Variants in SPTY2D1 observed in about 807,000 individuals in gnomAD.
SPTY2D1 encodes protein SPT2 homolog.
A neutral mutation model predicts 64.0 loss-of-function variants in SPTY2D1; 21 were observed. That is an observed-to-expected ratio of 0.33 (90% CI 0.23 to 0.47). The LOEUF (loss-of-function observed/expected upper bound fraction) is 0.47, where lower values mean the gene tolerates loss of function less well. SPTY2D1 is among the 20% of genes least tolerant of loss of function. SPTY2D1 has a pLI of 1.00. For missense variants in SPTY2D1, 724 were observed against 837.2 expected (o/e 0.86, Z 1.67); for synonymous variants, 287 against 286.8 (o/e 1.00, Z -0.01).
chr11:18,614,190 G>A (rs1207898883), intron 3 of SPTY2D1, among the ~76,000 whole-genome samples: 1 of 152,180 alleles, frequency 6.6e-6, no homozygotes, highest in Admixed American at 6.5e-5. Flanking sequence ...TTGGGAAGCT[G>A]AGGAAGGCGG....
chr11:18,614,727 C>T lies in SPTY2D1; in HGVS notation c.1547G>A (p.Ser516Asn), dbSNP rs1854261360. ...AACTGTTTGCCCAGGTCCCAAGCTG[C>T]TCACTGGTCTTCCTGGGACTGAATT... ...VSNSVPGRPVSSLGPGQTVSS... is the reference protein window; with the variant it reads ...VSNSVPGRPVNSLGPGQTVSS... The change falls in exon 3 of 6, where the codon AGC becomes AAC. Residue 516 changes from serine to asparagine, a missense_variant. Ser to Asn is a conservative substitution (Grantham distance 46). This residue lies in a region of SPTY2D1 where 426 missense variants were observed against 431.8 expected (regional missense o/e 0.99). Transcript: ENST00000336349. 6.2e-7 allele frequency: 1 copy of T among 1,614,048 alleles called. No individual in the cohort carries two copies. The highest frequency in any genetic ancestry group is 1.3e-5 in the African/African-American group (1 of 74,956).
In SPTY2D1 at chr11:18,615,421, C is replaced by T. The variant is rs1452149894; in HGVS notation, c.853G>A (p.Gly285Arg). The T allele has an allele frequency of 6.2e-7, 1 of 1,614,084 alleles. No homozygotes were observed. The highest frequency in any genetic ancestry group is 1.3e-5 in the African/African-American group (1 of 74,912). Reference sequence around the variant, plus strand: ...CCAGATCCTGCCTTGATCCTCTCTCCTGGCATGGATTTGGATGAAGACAAA... The same window carrying T: ...CCAGATCCTGCCTTGATCCTCTCTCTTGGCATGGATTTGGATGAAGACAAA... ...LALSSSKSMPGERIKAGSGNS... is the reference protein window; with the variant it reads ...LALSSSKSMPRERIKAGSGNS... Residue 285 changes from glycine to arginine, a missense_variant, in exon 3 of 6, where the codon GGA (glycine) becomes AGA (arginine). Gly to Arg is a moderately radical substitution (Grantham distance 125). Around this residue, in one of 3 missense-constraint regions of SPTY2D1, gnomAD observed 426 missense variants for 431.8 expected, o/e 0.99. Transcript: ENST00000336349.
chr11:18,625,554 A>AT (rs34740083), intron 1 of SPTY2D1, among the ~76,000 whole-genome samples: 84 of 144,192 alleles, frequency 5.8e-4, no homozygotes, highest in Middle Eastern at 3.6e-3. Context: ...AACACATCTC[A>AT]TTTTTTTTTT....
chr11:18,631,027 C>T (rs896725395), intron 1 of SPTY2D1, among the ~76,000 whole-genome samples: 13 of 151,998 alleles, frequency 8.6e-5, no homozygotes, highest in Non-Finnish European at 1.6e-4. Context: ...TTAGTAGAGA[C>T]GGGGTTTCAC....
At chr11:18,613,931 T>C (rs1854246051) in intron 3 of SPTY2D1, among the ~76,000 whole-genome samples, 2 of 152,206 alleles carry the variant, frequency 1.3e-5, no homozygotes, top group African/African-American at 4.8e-5. Context: ...GATTATACCC[T>C]GATCCTTGAA....
rs1443922067 is a variant in SPTY2D1 at position 18,615,626 on chromosome 11, T to G, written c.648A>C (p.Lys216Asn). The G allele has an allele frequency of 1.9e-6, 3 of 1,614,214 alleles. No homozygotes were observed. The highest frequency in any genetic ancestry group is 2.5e-6 in the Non-Finnish European group (3 of 1,180,042). Residue 216 changes from lysine to asparagine, a missense_variant, in exon 3 of 6, where the codon AAA (lysine) becomes AAC (asparagine). Physicochemically the swap from Lys to Asn is moderately conservative, Grantham distance 94 (BLOSUM62 0). Coordinates refer to ENST00000336349, the MANE Select transcript of SPTY2D1 (RefSeq NM_194285.3). The part of the protein sequence containing the change: ...EFLERKHRRK[K>N]LETDGKLPPT... Reference sequence around the variant, plus strand: ...GAGGTAGTTTTCCATCTGTCTCAAGTTTTTTTCTCCTATGCTTTCGTTCAA... The same window carrying G: ...GAGGTAGTTTTCCATCTGTCTCAAGGTTTTTTCTCCTATGCTTTCGTTCAA...
chr11:18,616,629 TAAC>T (rs1210994582), intron 2 of SPTY2D1, among the ~76,000 whole-genome samples: 4 of 152,012 alleles, frequency 2.6e-5, no homozygotes, highest in African/African-American at 7.2e-5. Context: ...ACATGGCTAC[TAAC>T]CCCCAAAAAG....
chr11:18,631,618 A>C (rs987014503), intron 1 of SPTY2D1, among the ~76,000 whole-genome samples: 3 of 145,064 alleles, frequency 2.1e-5, no homozygotes, highest in South Asian at 2.2e-4. Flanking sequence ...AAAAAAAAAA[A>C]CCACCAAACA....
In SPTY2D1 at chr11:18,609,035, T is replaced by C. The variant is rs1264339666; in HGVS notation, c.*826A>G. 6.6e-6 allele frequency: 1 copy of C among 152,450 alleles called. No individual in the cohort carries two copies. The highest frequency in any genetic ancestry group is 1.5e-5 in the Non-Finnish European group (1 of 68,004). The allele number at this position is 152,450 out of a possible 1,614,324, so 9.4% of individuals were successfully genotyped here. On this transcript the variant is annotated 3_prime_UTR_variant, in exon 6 of 6. Transcript: ENST00000336349. ...TGTTACTTCCTTATTTTATAAACTA[T>C]TACTCTTTCAAATCTAATGTTTGAA...
At position 18,607,982 on chromosome 11, in the gene SPTY2D1, A is replaced by C. The variant is rs1374171954; in HGVS notation, c.*1879T>G. ...TTGTAATGACAGATTTCAGAGTCTGAATACTGAAAAATATATATATCCAAT... is the reference window on the plus strand; with the variant it reads ...TTGTAATGACAGATTTCAGAGTCTGCATACTGAAAAATATATATATCCAAT... On this transcript the variant is annotated 3_prime_UTR_variant, in exon 6 of 6. Transcript: ENST00000336349. The C allele has an allele frequency of 6.6e-6, 1 of 152,374 alleles. No homozygotes were observed. The highest frequency in any genetic ancestry group is 2.4e-5 in the African/African-American group (1 of 41,462). 9.4% of individuals were successfully genotyped at this position (152,374 alleles called of 1,614,324 possible).
At chr11:18,632,081 G>A (rs1025534779) in intron 1 of SPTY2D1, among the ~76,000 whole-genome samples, 2 of 151,860 alleles carry the variant, frequency 1.3e-5, no homozygotes, top group Non-Finnish European at 2.9e-5. Flanking sequence ...AGCAGGTGGA[G>A]GCTGCAGTGA....
chr11:18,614,500 T>C, intron 3 of SPTY2D1, 63 bp downstream of exon 3: 2 of 1,500,518 alleles, frequency 1.3e-6, no homozygotes, highest in Non-Finnish European at 1.8e-6. Context: ...CCTGATAATA[T>C]AAAAACTCTT....
intron 1 of SPTY2D1, among the ~76,000 whole-genome samples, chr11:18,631,738 T>G (rs1854592728): frequency 6.6e-6 from 1 of 152,138 alleles, no homozygotes; most frequent in Non-Finnish European, 1.5e-5. Flanking sequence ...GGGGTTTGGG[T>G]ATATTAGAAA....
rs1470945574 is a variant in SPTY2D1, at chr11:18,625,768, C to T, written c.60+8430G>A. Reference sequence around the variant, plus strand: ...TTTTTGTAGAGATTGGGGGGGGGGTCTCACTTTGTTGCCCATGATGGTCAC... The same window carrying T: ...TTTTTGTAGAGATTGGGGGGGGGGTTTCACTTTGTTGCCCATGATGGTCAC... On this transcript the variant is annotated intron_variant, in intron 1 of 5. Coordinates refer to ENST00000336349, the MANE Select transcript of SPTY2D1 (RefSeq NM_194285.3). 2.9e-5 allele frequency among the ~76,000 whole-genome samples: 4 copies of T among 140,166 alleles called. No homozygotes were observed. In the East Asian group the frequency reaches 8.3e-4, roughly 29 times the overall value. 92.0% of individuals were successfully genotyped at this position (140,166 alleles called of 152,430 possible).
intron 1 of SPTY2D1, among the ~76,000 whole-genome samples, chr11:18,622,099 A>AG: frequency 6.7e-6 from 1 of 148,378 alleles, no homozygotes; most frequent in Non-Finnish European, 1.5e-5. Flanking sequence ...AAAAAAAAAA[A>AG]AAAAACCAAA....
chr11:18,607,707 CCTTT>C lies in SPTY2D1; in HGVS notation c.*2150_*2153del, dbSNP rs1257002570. 1 of 152,226 alleles carries C rather than the reference CCTTT, an allele frequency of 6.6e-6. No homozygotes were observed. The highest frequency in any genetic ancestry group is 2.4e-5 in the African/African-American group (1 of 41,434). The allele number at this position is 152,226 out of a possible 1,614,324, so 9.4% of individuals were successfully genotyped here. ...CAAGGCCAAAATTTAAAAGACTTAA[CCTTT>C]TTTTTCTTTTAAATGAGCCACAGAA... On this transcript the variant is annotated 3_prime_UTR_variant, in exon 6 of 6. Coordinates refer to ENST00000336349, the MANE Select transcript of SPTY2D1 (RefSeq NM_194285.3).
At chr11:18,629,708 T>C (rs536782389) in intron 1 of SPTY2D1, among the ~76,000 whole-genome samples, 1 of 152,324 alleles carries the variant, frequency 6.6e-6, no homozygotes, top group Non-Finnish European at 1.5e-5. Context: ...TCAGCAGTTA[T>C]TATATATTCA....
intron 1 of SPTY2D1, among the ~76,000 whole-genome samples, chr11:18,625,063 C>T (rs912447764): frequency 6.6e-6 from 1 of 152,116 alleles, no homozygotes; most frequent in Non-Finnish European, 1.5e-5. Context: ...CATATTGTTT[C>T]GACTGTAGAA....
chr11:18,616,795 T>C lies in SPTY2D1; in HGVS notation c.175+80A>G, dbSNP rs560756963. 7.8e-4 allele frequency: 1,069 copies of C among 1,370,858 alleles called. 8 individuals are homozygous for C. The highest frequency in any genetic ancestry group is 4.2e-5 in the Non-Finnish European group (41 of 979,188). 84.9% of individuals were successfully genotyped at this position (1,370,858 alleles called of 1,614,324 possible). ...AATCTGTTGGCCTGTTATGTTTTTA[T>C]AGACAGCCACTGGTTTAGTACAAGC... is the stretch of plus-strand genomic sequence containing the variant. On this transcript the variant is annotated intron_variant, in intron 2 of 5. Coordinates refer to ENST00000336349, the MANE Select transcript of SPTY2D1 (RefSeq NM_194285.3).
Sources: allele counts gnomAD v4.1 joint callset (sites outside exome capture counted in the v4.1 genomes callset), GRCh38; gene constraint gnomAD v4.1.1; regional missense constraint gnomAD v4.1.1; transcripts MANE v1.5; gene names NCBI Gene and HGNC (gene_info 2026-07-23, HGNC 2026-07-21).